The following BCL2 variants were observed in gnomAD, a reference collection of about 807,000 sequenced individuals.
BCL2 encodes apoptosis regulator Bcl-2.
In BCL2, 1 loss-of-function variant was observed where a neutral mutation model predicts 14.2. The ratio of observed to expected loss-of-function variants is 0.07; its 90% CI spans 0.02 to 0.33. The LOEUF is 0.33. Ranked by LOEUF, BCL2 falls within the 10% of genes least tolerant of loss-of-function variation. The pLI is 0.99. For missense variants in BCL2, 247 were observed against 305.9 expected, an observed-to-expected ratio of 0.81 and a Z score of 1.44; for synonymous variants, 151 against 137.2, an observed-to-expected ratio of 1.10 and a Z score of -0.70.
At position 63,172,759 on chromosome 18, in the gene BCL2, C is replaced by T. The variant is rs140643686; in HGVS notation, c.586-44000G>A. On this transcript the variant is annotated intron_variant, in intron 2 of 2. Transcript: ENST00000333681. ...TCGTGCCACTGCACTCCAGCCTGGG[C>T]GACAGAGGAAGACTGTGTCTCAAAA... Among the ~76,000 whole-genome samples, 444 of 152,118 alleles carry T rather than the reference C, an allele frequency of 2.9e-3. 1 individual carries two copies. The highest frequency in any genetic ancestry group is 6.8e-3 in the Middle Eastern group (2 of 294).
At chr18:63,189,590 T>C (rs1345902800) in intron 2 of BCL2, among the ~76,000 whole-genome samples, 3 of 152,104 alleles carry the variant, frequency 2.0e-5, no homozygotes, top group African/African-American at 7.2e-5. Flanking sequence ...TGCGTTAGGC[T>C]CAGCACTAGG....
chr18:63,251,724 G>T (rs1437508496), intron 2 of BCL2, among the ~76,000 whole-genome samples: 11 of 148,058 alleles, frequency 7.4e-5, no homozygotes, highest in Non-Finnish European at 1.0e-4. Flanking sequence ...TTTTGACGTA[G>T]TTTCTCTCTT....
chr18:63,170,950 T>C (rs1915207378), intron 2 of BCL2, among the ~76,000 whole-genome samples: 1 of 152,248 alleles, frequency 6.6e-6, no homozygotes, highest in Non-Finnish European at 1.5e-5. Flanking sequence ...GACGCCAATG[T>C]TTTCTTAGGT....
chr18:63,240,829 C>T (rs981313060), intron 2 of BCL2, among the ~76,000 whole-genome samples: 2 of 152,204 alleles, frequency 1.3e-5, no homozygotes, highest in Non-Finnish European at 2.9e-5. Flanking sequence ...TAACTTGTCT[C>T]TGTTACATTA....
At chr18:63,134,365 G>A (rs1914153841) in intron 2 of BCL2, among the ~76,000 whole-genome samples, 1 of 152,160 alleles carries the variant, frequency 6.6e-6, no homozygotes, top group Non-Finnish European at 1.5e-5. Context: ...CTAGTAGTGG[G>A]GAGACATGGG....
chr18:63,308,771 CACAA>C (rs1913219458), intron 2 of BCL2, among the ~76,000 whole-genome samples: 1 of 152,064 alleles, frequency 6.6e-6, no homozygotes, highest in Admixed American at 6.6e-5. Flanking sequence ...CACACACACA[CACAA>C]ACACACACTA....
chr18:63,183,923 A>T (rs1260467201), intron 2 of BCL2, among the ~76,000 whole-genome samples: 1 of 152,026 alleles, frequency 6.6e-6, no homozygotes, highest in Non-Finnish European at 1.5e-5. Flanking sequence ...TTAAGGCAGC[A>T]CTCCATTATG....
At chr18:63,290,969 G>A (rs766561017) in intron 2 of BCL2, among the ~76,000 whole-genome samples, 44 of 151,656 alleles carry the variant, frequency 2.9e-4, no homozygotes, top group Non-Finnish European at 5.0e-4. Flanking sequence ...CTCACCATCT[G>A]TGAACTCCTC....
intron 2 of BCL2, chr18:63,302,796 T>C (rs903610427): frequency 4.7e-5 from 46 of 985,206 alleles, no homozygotes; most frequent in Non-Finnish European, 5.5e-5. Context: ...AGAAAGTAGT[T>C]TCCTGGCCCA....
At chr18:63,315,717 GTGAAGAAAATCTGTC>G (rs1181945525) in intron 2 of BCL2, 5 of 152,194 alleles carry the variant, frequency 3.3e-5, no homozygotes, top group African/African-American at 1.2e-4. Context: ...TGGTGTAAAT[GTGAAGAAAATCTGTC>G]TGTATGCCAA....
intron 2 of BCL2, among the ~76,000 whole-genome samples, chr18:63,249,591 C>A (rs1911246465): frequency 6.6e-6 from 1 of 151,568 alleles, no homozygotes; most frequent in Non-Finnish European, 1.5e-5. Context: ...GTGACTGTAG[C>A]TCCAGCTACT....
intron 2 of BCL2, among the ~76,000 whole-genome samples, chr18:63,157,646 T>C (rs1914817465): frequency 6.6e-6 from 1 of 152,238 alleles, no homozygotes; most frequent in African/African-American, 2.4e-5. Context: ...ATACGCCATA[T>C]GCCATCAAAA....
chr18:63,311,214 C>T (rs1913308484), intron 2 of BCL2, among the ~76,000 whole-genome samples: 2 of 152,070 alleles, frequency 1.3e-5, no homozygotes, highest in African/African-American at 4.8e-5. Context: ...GAATATTTGG[C>T]TGCAATTCAA....
intron 2 of BCL2, among the ~76,000 whole-genome samples, chr18:63,208,604 G>T (rs188566473): frequency 1.3e-5 from 2 of 152,108 alleles, no homozygotes; most frequent in Admixed American, 1.3e-4. Flanking sequence ...GGGCTGGGGG[G>T]AGTGGGGTAC....
chr18:63,137,665 T>C (rs781401083), intron 2 of BCL2, among the ~76,000 whole-genome samples: 5 of 152,138 alleles, frequency 3.3e-5, no homozygotes, highest in Non-Finnish European at 7.4e-5. Flanking sequence ...CCCTGCTATA[T>C]TGGTTAGTAA....
At chr18:63,150,617 C>T (rs1022514137) in intron 2 of BCL2, among the ~76,000 whole-genome samples, 15 of 152,238 alleles carry the variant, frequency 9.9e-5, no homozygotes, top group Admixed American at 3.9e-4. Context: ...TTTCCGTGTC[C>T]CATGAACATG....
intron 2 of BCL2, among the ~76,000 whole-genome samples, chr18:63,212,969 G>A (rs1392020243): frequency 2.0e-5 from 3 of 152,202 alleles, no homozygotes; most frequent in African/African-American, 7.2e-5. Flanking sequence ...AAAACATAAA[G>A]AAATTTCAAA....
rs1439295069 is a variant in BCL2 at position 63,127,434 on chromosome 18, C to T, written c.*1191G>A. ...CTTAAGAAGGGTCGTGGCTCCCATG[C>T]TCCACGTGAAAACGGGCCTACCTGG... On this transcript the variant is annotated 3_prime_UTR_variant, in exon 3 of 3. Coordinates refer to ENST00000333681, the MANE Select transcript of BCL2 (RefSeq NM_000633.3). The T allele has an allele frequency of 4.2e-6, 1 of 235,732 alleles. No individual in the cohort carries two copies. The highest frequency in any genetic ancestry group is 8.4e-6 in the Non-Finnish European group (1 of 119,630). The allele number at this position is 235,732 out of a possible 1,614,324, so 14.6% of individuals were successfully genotyped here. A position where few individuals can be genotyped will look rare whatever the true frequency, so the allele number is the denominator to read the frequency against.
rs937854244 is a variant in BCL2 at position 63,124,992 on chromosome 18, CA to C, written c.*3632del. 1 of 221,464 alleles carries C rather than the reference CA, an allele frequency of 4.5e-6. No individual in the cohort carries two copies. Among genetic ancestry groups the C allele is most frequent in the Non-Finnish European group, 9.0e-6 (1 of 110,558 alleles). The allele number at this position is 221,464 out of a possible 1,614,324, so 13.7% of individuals were successfully genotyped here. A position where few individuals can be genotyped will look rare whatever the true frequency, so the allele number is the denominator to read the frequency against. On this transcript the variant is annotated 3_prime_UTR_variant, in exon 3 of 3. Transcript: ENST00000333681. ...TAAACTATTTGTTTTAGGATAAGTT[CA>C]ATTACAAATAGAGACTATTTGCAAT...
Sources: gnomAD v4.1 joint callset for allele counts (sites outside exome capture counted in the v4.1 genomes callset) on GRCh38, gnomAD v4.1.1 for gene constraint, MANE v1.5 for transcripts, NCBI Gene and HGNC (gene_info 2026-07-23, HGNC 2026-07-21) for gene names.